Variants in KIF16B observed in about 807,000 individuals in gnomAD.
KIF16B encodes kinesin-like protein KIF16B.
Under a neutral mutation model 156.3 loss-of-function variants are expected in KIF16B, and 98 were observed. That is an observed-to-expected ratio of 0.63 (90% confidence interval 0.53 to 0.74). The LOEUF is 0.74. Among genes scored for constraint, KIF16B ranks in the 30% least tolerant of loss-of-function variants. KIF16B has a pLI of 0.00. For synonymous variants in KIF16B, 564 were observed against 583.7 expected (o/e 0.97, Z 0.49); for missense variants, 1,421 against 1,606.5 (o/e 0.88, Z 1.97).
chr20:16,456,255 A>G (rs1366988113), intron 12 of KIF16B, among the ~76,000 whole-genome samples: 1 of 152,194 alleles, frequency 6.6e-6, no homozygotes, highest in African/African-American at 2.4e-5. Context: ...CCCTTGGCAG[A>G]TTCCCATTTC....
chr20:16,393,803 T>C (rs939608500), intron 17 of KIF16B, among the ~76,000 whole-genome samples: 2 of 152,194 alleles, frequency 1.3e-5, no homozygotes, highest in Non-Finnish European at 2.9e-5. Context: ...AAATCCTCTT[T>C]GAGGAAGTGA....
At chr20:16,520,448 C>T (rs111361696) in intron 3 of KIF16B, among the ~76,000 whole-genome samples, 347 of 152,296 alleles carry the variant, frequency 2.3e-3, no homozygotes, top group African/African-American at 6.0e-3. Context: ...CACAGCTTGG[C>T]AAAGCCGCTG....
chr20:16,490,045 C>A (rs1252003405), intron 12 of KIF16B, among the ~76,000 whole-genome samples: 3 of 152,194 alleles, frequency 2.0e-5, no homozygotes, highest in Non-Finnish European at 4.4e-5. Context: ...CTCCCTGTCA[C>A]TCTGCCCACT....
chr20:16,555,895 T>C (rs905139980), intron 1 of KIF16B, among the ~76,000 whole-genome samples: 35 of 152,242 alleles, frequency 2.3e-4, no homozygotes, highest in African/African-American at 8.4e-4. Context: ...GGATTATTTC[T>C]ACTGACTCAT....
intron 12 of KIF16B, among the ~76,000 whole-genome samples, chr20:16,477,335 T>C (rs2067848948): frequency 6.7e-6 from 1 of 148,918 alleles, no homozygotes; most frequent in South Asian, 2.1e-4. Context: ...CTTGCTTTAG[T>C]TATTTAAGCC....
chr20:16,422,289 G>A (rs114904015), intron 15 of KIF16B, among the ~76,000 whole-genome samples: 2,496 of 152,194 alleles, frequency 0.016, 66 homozygotes, highest in African/African-American at 0.056. Flanking sequence ...GACAGTGTCC[G>A]TGTGTGTGCT....
At chr20:16,571,488 C>T (rs2071449020) in intron 1 of KIF16B, among the ~76,000 whole-genome samples, 1 of 152,178 alleles carries the variant, frequency 6.6e-6, no homozygotes, top group African/African-American at 2.4e-5. Flanking sequence ...ACTCACAGTT[C>T]CTGTCCCAGC....
At chr20:16,522,120 G>A (rs1208801784) in intron 3 of KIF16B, among the ~76,000 whole-genome samples, 1 of 152,030 alleles carries the variant, frequency 6.6e-6, no homozygotes, top group East Asian at 1.9e-4. Flanking sequence ...CAACTAATGG[G>A]CAAAATAACC....
intron 20 of KIF16B, 115 bp downstream of exon 20, chr20:16,374,142 G>A (rs2064887371): frequency 2.9e-6 from 3 of 1,018,722 alleles, no homozygotes; most frequent in Non-Finnish European, 4.1e-6. Flanking sequence ...TCAAGCACGT[G>A]TATTACTTGT....
chr20:16,338,256 G>C (rs1345921814), intron 23 of KIF16B, among the ~76,000 whole-genome samples: 2 of 152,110 alleles, frequency 1.3e-5, no homozygotes, highest in African/African-American at 4.8e-5. Flanking sequence ...TACCGTGCTG[G>C]GATGGCGGTC....
Position 16,379,350 on chromosome 20 carries a change from A to C in KIF16B, c.2652T>G (p.Asp884Glu). The C allele has an allele frequency of 6.2e-7, 1 of 1,606,242 alleles. No homozygotes were observed. The highest frequency in any genetic ancestry group is 8.5e-7 in the Non-Finnish European group (1 of 1,176,678). ...CGAAATCTTGAGGCACTTCCGTGAC[A>C]TCTGTGACACTCTCATCATGTTTTT... Reference protein sequence around the residue: ...LLEKHDESVTDVTEVPQDFEK... With the variant: ...LLEKHDESVTEVTEVPQDFEK... The change falls in exon 19 of 26, where the codon GAT (aspartate) becomes GAG (glutamate). Residue 884 changes from aspartate (D) to glutamate (E), a missense_variant. By Grantham distance (45) the Asp-to-Glu change is conservative (BLOSUM62 2). Transcript: ENST00000354981.
At chr20:16,480,834 T>C (rs997003718) in intron 12 of KIF16B, among the ~76,000 whole-genome samples, 2 of 152,196 alleles carry the variant, frequency 1.3e-5, no homozygotes, top group Non-Finnish European at 2.9e-5. Context: ...TGTGAACAAA[T>C]AACTGCATTT....
At chr20:16,549,003 C>A (rs1157533725) in intron 1 of KIF16B, among the ~76,000 whole-genome samples, 1 of 129,594 alleles carries the variant, frequency 7.7e-6, no homozygotes, top group East Asian at 2.4e-4. Context: ...TTAAAATACT[C>A]ATTTTCGGTT....
chr20:16,496,698 T>A (rs2068460999), intron 11 of KIF16B, among the ~76,000 whole-genome samples: 1 of 152,268 alleles, frequency 6.6e-6, no homozygotes, highest in South Asian at 2.1e-4. Context: ...TAAGACTATA[T>A]CCAGATATAG....
At chr20:16,543,165 T>C (rs1264651796) in intron 1 of KIF16B, among the ~76,000 whole-genome samples, 1 of 152,200 alleles carries the variant, frequency 6.6e-6, no homozygotes, top group Non-Finnish European at 1.5e-5. Context: ...ATCTGTGTTG[T>C]CCTCTGAGGA....
intron 25 of KIF16B, among the ~76,000 whole-genome samples, chr20:16,275,213 C>T (rs2063042773): frequency 6.6e-6 from 1 of 151,940 alleles, no homozygotes; most frequent in Non-Finnish European, 1.5e-5. Flanking sequence ...GCCACCATGC[C>T]CAGCTAATTT....
chr20:16,518,519 C>T (rs990856291), intron 3 of KIF16B, among the ~76,000 whole-genome samples: 3 of 152,288 alleles, frequency 2.0e-5, no homozygotes, highest in South Asian at 2.1e-4. Context: ...ACTCGCTCAT[C>T]GGGCATGTCA....
chr20:16,566,537 C>G (rs768256678), intron 1 of KIF16B, among the ~76,000 whole-genome samples: 5 of 152,182 alleles, frequency 3.3e-5, no homozygotes, highest in African/African-American at 1.2e-4. Flanking sequence ...ATTTACAGAA[C>G]GCTTACTTTT....
intron 1 of KIF16B, among the ~76,000 whole-genome samples, chr20:16,543,376 G>A (rs752045038): frequency 1.3e-5 from 2 of 152,146 alleles, no homozygotes; most frequent in African/African-American, 2.4e-5. Flanking sequence ...ACTTCCAACC[G>A]AGGTGCTCCT....
Sources: allele counts gnomAD v4.1 joint callset (sites outside exome capture counted in the v4.1 genomes callset), GRCh38; gene constraint gnomAD v4.1.1; transcripts MANE v1.5; gene names NCBI Gene and HGNC (gene_info 2026-07-23, HGNC 2026-07-21).